The following ZNF469 variants were observed in gnomAD, a reference collection of about 807,000 sequenced individuals.
ZNF469 encodes zinc finger protein 469.
In ZNF469, 1 loss-of-function variant was observed where a neutral mutation model predicts 1.0. The ratio of observed to expected loss-of-function variants is 1.00; its 90% CI spans 0.35 to 4.73. The LOEUF (loss-of-function observed/expected upper bound fraction) is 4.73, where lower values mean the gene tolerates loss of function less well. Ranked by LOEUF, ZNF469 falls within the 30% of genes most tolerant of loss-of-function variation. The pLI is 0.16. For missense variants in ZNF469, 6,100 were observed against 5,356.3 expected, an observed-to-expected ratio of 1.14 and a Z score of -4.33; for synonymous variants, 2,703 against 2,363.4, an observed-to-expected ratio of 1.14 and a Z score of -4.17.
chr16:88,315,395 C>T, the ZNF469 span, among the ~76,000 whole-genome samples: 3 of 152,238 alleles, frequency 2.0e-5, no homozygotes, highest in Admixed American at 2.0e-4. Context: ...CCGTCATCTT[C>T]TCCATCGCTG....
At chr16:88,152,760 G>A in the ZNF469 span, among the ~76,000 whole-genome samples, 2 of 152,158 alleles carry the variant, frequency 1.3e-5, no homozygotes, top group Non-Finnish European at 2.9e-5. This position sits in a 1 kb window ranked among gnomAD's most constrained non-coding sequence, Gnocchi z 4.2. Context: ...TTCTGGGAAG[G>A]CGAGGGTCGG....
the ZNF469 span, among the ~76,000 whole-genome samples, chr16:88,131,035 G>C: frequency 6.6e-6 from 1 of 152,254 alleles, no homozygotes; most frequent in Non-Finnish European, 1.5e-5. Flanking sequence ...ACGGCGGGCA[G>C]CGCGGCGTTC....
Position 88,432,962 on chromosome 16 carries a change from C to T in ZNF469, c.5492C>T (p.Ala1831Val), listed in dbSNP as rs1490228626. The T allele has an allele frequency of 1.3e-6, 2 of 1,550,304 alleles. No individual in the cohort carries two copies. The highest frequency in any genetic ancestry group is 1.4e-5 in the African/African-American group (1 of 73,058). Residue 1831 changes from alanine (A) to valine (V), a missense_variant, in exon 3 of 3, where the codon GCC becomes GTC. Transcript: ENST00000565624. Reference sequence around the variant, plus strand: ...TTTGGTGCCAGTCCCAGCCATGCTGCCCAGGGACATTCTGCAGGCAGAGCA... The same window carrying T: ...TTTGGTGCCAGTCCCAGCCATGCTGTCCAGGGACATTCTGCAGGCAGAGCA... ...WPFGASPSHA[A>V]QGHSAGRAGG...
chr16:88,335,127 C>T, the ZNF469 span, among the ~76,000 whole-genome samples: 7 of 152,180 alleles, frequency 4.6e-5, no homozygotes, highest in African/African-American at 9.7e-5. Flanking sequence ...ATCTGGGACT[C>T]GCAGTCTCCG....
At chr16:88,249,581 T>C in the ZNF469 span, among the ~76,000 whole-genome samples, 16 of 151,748 alleles carry the variant, frequency 1.1e-4, no homozygotes, top group Non-Finnish European at 1.8e-4. Flanking sequence ...GGACTACAGG[T>C]GCCTGCCACC....
chr16:88,153,204 G>T, the ZNF469 span, among the ~76,000 whole-genome samples: 25,567 of 152,172 alleles, frequency 0.17, 2,718 homozygotes, highest in East Asian at 0.51. Flanking sequence ...GAACCCAGGT[G>T]GGGGGCTGAA....
chr16:88,327,744 G>A, the ZNF469 span, among the ~76,000 whole-genome samples: 4 of 152,294 alleles, frequency 2.6e-5, no homozygotes, highest in South Asian at 8.3e-4. Flanking sequence ...TGGGCTCCAT[G>A]CTTAGACCCC....
At chr16:88,297,389 T>C in the ZNF469 span, among the ~76,000 whole-genome samples, 1 of 152,232 alleles carries the variant, frequency 6.6e-6, no homozygotes, top group Non-Finnish European at 1.5e-5. Flanking sequence ...CCGCTTTCCT[T>C]GGCTTCTCTC....
At chr16:88,187,073 G>C in the ZNF469 span, among the ~76,000 whole-genome samples, 1 of 152,200 alleles carries the variant, frequency 6.6e-6, no homozygotes, top group Non-Finnish European at 1.5e-5. Flanking sequence ...ATGTAGCGGG[G>C]CCCTCTGGAA....
At chr16:88,301,576 G>T in the ZNF469 span, among the ~76,000 whole-genome samples, 86 of 152,314 alleles carry the variant, frequency 5.6e-4, no homozygotes, top group Non-Finnish European at 5.7e-4. Flanking sequence ...GGCGAGTAGG[G>T]GACACAGGCA....
At chr16:88,149,768 A>T in the ZNF469 span, among the ~76,000 whole-genome samples, 4 of 152,160 alleles carry the variant, frequency 2.6e-5, no homozygotes, top group African/African-American at 9.7e-5. Flanking sequence ...CGTGCTGGGC[A>T]GGCTCTCTTT....
At position 88,432,040 on chromosome 16, in the gene ZNF469, C is replaced by G. The variant is rs553117275; in HGVS notation, c.4570C>G (p.Leu1524Val). The change falls in exon 3 of 3, where the codon CTC becomes GTC. Residue 1524 changes from leucine to valine, a missense_variant. Coordinates refer to ENST00000565624, the MANE Select transcript of ZNF469 (RefSeq NM_001367624.2). ...HFPDLSGGKV[L>V]SKTCPPERTV... ...TCCTGATCTCTCGGGGGGAAAGGTGCTCAGTAAGACGTGTCCCCCTGAACG... is the reference window on the plus strand; with the variant it reads ...TCCTGATCTCTCGGGGGGAAAGGTGGTCAGTAAGACGTGTCCCCCTGAACG... 6.4e-7 allele frequency: 1 copy of G among 1,550,552 alleles called. No homozygotes were observed. The highest frequency in any genetic ancestry group is 1.4e-5 in the African/African-American group (1 of 73,172).
chr16:88,156,531 A>G, the ZNF469 span, among the ~76,000 whole-genome samples: 5 of 152,362 alleles, frequency 3.3e-5, no homozygotes, highest in African/African-American at 1.2e-4. Flanking sequence ...TTGAAAATCA[A>G]TTGAACCTAC....
At chr16:88,172,910 C>T in the ZNF469 span, among the ~76,000 whole-genome samples, 128 of 152,110 alleles carry the variant, frequency 8.4e-4, 1 homozygote, top group South Asian at 3.7e-3. Flanking sequence ...AGAAACTGTT[C>T]GAATCAAAGC....
chr16:88,229,647 T>C, the ZNF469 span, among the ~76,000 whole-genome samples: 1 of 58,056 alleles, frequency 1.7e-5, no homozygotes, highest in East Asian at 4.6e-4. Context: ...GTGTGTGTGC[T>C]GATGTCACGC....
chr16:88,251,223 T>C, the ZNF469 span, among the ~76,000 whole-genome samples: 1 of 152,192 alleles, frequency 6.6e-6, no homozygotes, highest in Admixed American at 6.5e-5. Flanking sequence ...TCTGAACACA[T>C]TTATAACATC....
the ZNF469 span, among the ~76,000 whole-genome samples, chr16:88,239,548 C>T: frequency 2.0e-5 from 3 of 146,760 alleles, no homozygotes; most frequent in Admixed American, 6.8e-5. Flanking sequence ...GGTGCAGTGG[C>T]GCGATCTCGG....
chr16:88,188,889 C>T, the ZNF469 span, among the ~76,000 whole-genome samples: 1 of 152,252 alleles, frequency 6.6e-6, no homozygotes, highest in African/African-American at 2.4e-5. Context: ...TGCACCACTC[C>T]TTCTGCATTT....
At chr16:88,200,884 C>G in the ZNF469 span, among the ~76,000 whole-genome samples, 8 of 152,372 alleles carry the variant, frequency 5.3e-5, no homozygotes, top group African/African-American at 1.7e-4. Flanking sequence ...TTCCTCCGGC[C>G]GCCCCCGGCT....
Sources: gnomAD v4.1 joint callset for allele counts (sites outside exome capture counted in the v4.1 genomes callset) on GRCh38, gnomAD v4.1.1 for gene constraint, Gnocchi (gnomAD v3.1) non-coding constraint, MANE v1.5 for transcripts, NCBI Gene and HGNC (gene_info 2026-07-23, HGNC 2026-07-21) for gene names.